Variants in DDX4 observed in about 807,000 individuals in gnomAD.
The protein encoded by DDX4 is DEAD-box helicase 4, also known as probable ATP-dependent RNA helicase DDX4.
A neutral mutation model predicts 100.0 loss-of-function variants in DDX4; 25 were observed. The ratio of observed to expected loss-of-function variants is 0.25; its 90% CI spans 0.18 to 0.35. The LOEUF (loss-of-function observed/expected upper bound fraction) is 0.35. DDX4 is among the 10% of genes least tolerant of loss of function. The pLI is 1.00. For synonymous variants in DDX4, 259 were observed against 275.7 expected (o/e 0.94, Z 0.60); for missense variants, 635 against 882.4 (o/e 0.72, Z 3.55).
At chr5:55,751,460 C>T (rs1359407217) in intron 3 of DDX4, among the ~76,000 whole-genome samples, 2 of 152,182 alleles carry the variant, frequency 1.3e-5, no homozygotes, top group Non-Finnish European at 2.9e-5. Context: ...GTCTTGAACT[C>T]CTGAGCTCAA....
Position 55,749,809 on chromosome 5 carries a change from C to CT in DDX4, c.127+3604dup, listed in dbSNP as rs34529525. 5.8e-3 allele frequency among the ~76,000 whole-genome samples: 782 copies of CT among 134,848 alleles called. 1 individual carries two copies. The highest frequency in any genetic ancestry group is 0.012 in the Middle Eastern group (3 of 254). The allele number at this position is 134,848 out of a possible 152,430, so 88.5% of individuals were successfully genotyped here. A position where few individuals can be genotyped will look rare whatever the true frequency, so the allele number is the denominator to read the frequency against. On this transcript the variant is annotated intron_variant, in intron 3 of 21. Coordinates refer to ENST00000505374, the MANE Select transcript of DDX4 (RefSeq NM_024415.3). ...GAGCAATTCTTTTGTATGTGTGTGT[C>CT]TTTTTTTTTTTTTTTTCCCAGAAAA...
chr5:55,793,694 T>C (rs1263735067), intron 17 of DDX4, among the ~76,000 whole-genome samples: 1 of 152,222 alleles, frequency 6.6e-6, no homozygotes, highest in African/African-American at 2.4e-5. Flanking sequence ...TCTCCTGGAT[T>C]CCCAGACTCA....
At chr5:55,740,148 ATTTTC>A (rs1422196245) in intron 2 of DDX4, among the ~76,000 whole-genome samples, 1 of 152,040 alleles carries the variant, frequency 6.6e-6, no homozygotes, top group Non-Finnish European at 1.5e-5. Flanking sequence ...TTTTTAGTCA[ATTTTC>A]TTCTGTTTTT....
At chr5:55,766,119 A>G (rs182035441) in intron 6 of DDX4, among the ~76,000 whole-genome samples, 128 of 151,816 alleles carry the variant, frequency 8.4e-4, no homozygotes, top group African/African-American at 3.0e-3. Context: ...GCCAGGCCAT[A>G]TGTTATTTTT....
At chr5:55,744,334 G>A (rs952043914) in intron 2 of DDX4, among the ~76,000 whole-genome samples, 1 of 152,140 alleles carries the variant, frequency 6.6e-6, no homozygotes, top group Non-Finnish European at 1.5e-5. Context: ...ATCATCTGTA[G>A]ATTTCCTTTC....
At chr5:55,752,045 A>G (rs1197562358) in intron 3 of DDX4, among the ~76,000 whole-genome samples, 2 of 152,158 alleles carry the variant, frequency 1.3e-5, no homozygotes, top group African/African-American at 4.8e-5. Context: ...CTTTGACGCT[A>G]AAGTTTTTCT....
chr5:55,802,502 G>A (rs1353238504), intron 18 of DDX4, among the ~76,000 whole-genome samples: 2 of 152,130 alleles, frequency 1.3e-5, no homozygotes, highest in African/African-American at 4.8e-5. Flanking sequence ...CATTGTATAT[G>A]TTAGGGATCA....
intron 18 of DDX4, among the ~76,000 whole-genome samples, chr5:55,802,583 A>C (rs942876239): frequency 3.3e-5 from 5 of 152,198 alleles, no homozygotes; most frequent in African/African-American, 1.2e-4. Flanking sequence ...GATAGGGTCT[A>C]AAAGTTGTCA....
At chr5:55,806,707 T>G (rs1439774724) in intron 18 of DDX4, among the ~76,000 whole-genome samples, 1 of 152,234 alleles carries the variant, frequency 6.6e-6, no homozygotes, top group Non-Finnish European at 1.5e-5. Context: ...TTATAATTTC[T>G]GTTCTTTAAC....
chr5:55,812,950 TG>T (rs1744200215), intron 18 of DDX4, among the ~76,000 whole-genome samples: 1 of 151,810 alleles, frequency 6.6e-6, no homozygotes, highest in Admixed American at 6.6e-5. Flanking sequence ...TACAGAGAAA[TG>T]GGGAGAGAGA....
intron 7 of DDX4, among the ~76,000 whole-genome samples, chr5:55,770,464 A>G (rs1304517982): frequency 2.0e-5 from 3 of 152,222 alleles, no homozygotes; most frequent in African/African-American, 7.2e-5. Flanking sequence ...ATTCTTGATT[A>G]TATATGGGCA....
intron 2 of DDX4, among the ~76,000 whole-genome samples, chr5:55,741,114 C>A (rs1291492872): frequency 6.6e-6 from 1 of 152,092 alleles, no homozygotes; most frequent in African/African-American, 2.4e-5. Context: ...TGTCCAATTT[C>A]TTTTTTCTTA....
intron 18 of DDX4, among the ~76,000 whole-genome samples, chr5:55,803,729 T>G (rs1019708707): frequency 3.3e-5 from 5 of 152,038 alleles, no homozygotes; most frequent in African/African-American, 1.2e-4. Context: ...TCTATCATTG[T>G]TGGACATTTG....
intron 18 of DDX4, among the ~76,000 whole-genome samples, chr5:55,799,762 T>C (rs1413937762): frequency 6.6e-6 from 1 of 152,230 alleles, no homozygotes; most frequent in African/African-American, 2.4e-5. Flanking sequence ...ATATGTTCAT[T>C]TTAATACCTT....
intron 17 of DDX4, among the ~76,000 whole-genome samples, 153 bp downstream of exon 17, chr5:55,792,960 A>G (rs1580583674): frequency 6.6e-6 from 1 of 152,014 alleles, no homozygotes; most frequent in Admixed American, 6.6e-5. Flanking sequence ...AACGTTTGCC[A>G]CATTTTCCAT....
intron 18 of DDX4, among the ~76,000 whole-genome samples, chr5:55,806,366 G>A (rs1743718796): frequency 6.6e-6 from 1 of 152,036 alleles, no homozygotes; most frequent in Non-Finnish European, 1.5e-5. Context: ...CCATCTGCTA[G>A]CTTTTGAATG....
At chr5:55,804,284 C>G (rs1397041604) in intron 18 of DDX4, among the ~76,000 whole-genome samples, 5 of 151,902 alleles carry the variant, frequency 3.3e-5, no homozygotes, top group Non-Finnish European at 7.4e-5. Flanking sequence ...CCTGTTCACT[C>G]TGATGGTAGT....
intron 3 of DDX4, among the ~76,000 whole-genome samples, chr5:55,751,500 G>A (rs1759548150): frequency 6.6e-6 from 1 of 152,208 alleles, no homozygotes; most frequent in Non-Finnish European, 1.5e-5. Context: ...CTCCCAAAGT[G>A]CTGGGATTAT....
At chr5:55,741,451 A>G (rs1159909959) in intron 2 of DDX4, among the ~76,000 whole-genome samples, 39 of 152,206 alleles carry the variant, frequency 2.6e-4, no homozygotes, top group Non-Finnish European at 5.7e-4. Context: ...TCGAAGGAAC[A>G]TGGTGCAATC....
Sources: allele counts gnomAD v4.1 joint callset (sites outside exome capture counted in the v4.1 genomes callset), GRCh38; gene constraint gnomAD v4.1.1; transcripts MANE v1.5; gene names NCBI Gene and HGNC (gene_info 2026-07-23, HGNC 2026-07-21).